Variants in ANO3 observed in about 807,000 individuals in gnomAD.
ANO3 encodes anoctamin-3.
A neutral mutation model predicts 144.8 loss-of-function variants in ANO3; 99 were observed. The ratio of observed to expected loss-of-function variants is 0.68; its 90% confidence interval spans 0.58 to 0.81. The LOEUF is 0.81. ANO3 is among the 30% of genes least tolerant of loss of function. ANO3 has a pLI of 0.00. For synonymous variants in ANO3, 414 were observed against 392.6 expected, an observed-to-expected ratio of 1.05 and a Z score of -0.64; for missense variants, 905 against 1,202.2, an observed-to-expected ratio of 0.75 and a Z score of 3.66.
At chr11:26,368,643 CAAAG>C (rs1564986638) in intron 1 of ANO3, among the ~76,000 whole-genome samples, 1 of 151,184 alleles carries the variant, frequency 6.6e-6, no homozygotes, top group East Asian at 1.9e-4. Context: ...GGAAGAGAGA[CAAAG>C]AGGAGGGAAG....
intron 1 of ANO3, among the ~76,000 whole-genome samples, chr11:26,429,389 G>A (rs1257816876): frequency 6.8e-6 from 1 of 146,812 alleles, no homozygotes; most frequent in African/African-American, 2.5e-5. Flanking sequence ...GGGAGATAAG[G>A]ACATTATAAA....
chr11:26,301,393 A>T (rs1383532959), intron 1 of ANO3, among the ~76,000 whole-genome samples: 1 of 152,242 alleles, frequency 6.6e-6, no homozygotes, highest in Non-Finnish European at 1.5e-5. Context: ...ATATGCAGTT[A>T]AAATAATTTT....
intron 1 of ANO3, among the ~76,000 whole-genome samples, chr11:26,280,208 T>G (rs907387505): frequency 6.6e-6 from 1 of 152,178 alleles, no homozygotes; most frequent in Admixed American, 6.5e-5. Flanking sequence ...AGATAAAGGA[T>G]TATTACATCA....
At chr11:26,243,997 G>T (rs1262355820) in intron 1 of ANO3, among the ~76,000 whole-genome samples, 5 of 151,508 alleles carry the variant, frequency 3.3e-5, no homozygotes, top group Non-Finnish European at 7.4e-5. Flanking sequence ...GGTGTCTGTA[G>T]TCCCAGCTAC....
At chr11:26,541,132 C>T (rs1849632003) in intron 10 of ANO3, among the ~76,000 whole-genome samples, 1 of 152,114 alleles carries the variant, frequency 6.6e-6, no homozygotes, top group African/African-American at 2.4e-5. Context: ...AAGATGAGTT[C>T]GTGTTCTTTG....
chr11:26,475,853 T>C (rs1859947803), intron 4 of ANO3, among the ~76,000 whole-genome samples: 1 of 152,100 alleles, frequency 6.6e-6, no homozygotes, highest in African/African-American at 2.4e-5. Context: ...AAATTCTGGC[T>C]ACATCATCTT....
chr11:26,619,666 C>T (rs1185972774), intron 17 of ANO3, among the ~76,000 whole-genome samples: 2 of 151,996 alleles, frequency 1.3e-5, no homozygotes, highest in East Asian at 1.9e-4. Flanking sequence ...AGGGTTTCAC[C>T]ATGTTGGCCT....
At chr11:26,306,723 G>T (rs76573504), upstream of ANO3, among the ~76,000 whole-genome samples, 1 of 152,236 alleles carries the variant, frequency 6.6e-6, no homozygotes, top group Middle Eastern at 3.4e-3. Flanking sequence ...CAGTAGTCTG[G>T]AATGGGGCTA....
intron 4 of ANO3, among the ~76,000 whole-genome samples, chr11:26,493,997 T>C (rs1216277106): frequency 6.6e-6 from 1 of 152,206 alleles, no homozygotes; most frequent in African/African-American, 2.4e-5. Context: ...AGGATAGTTT[T>C]CAAAATAATT....
At chr11:26,406,932 A>AT (rs1303084129) in intron 1 of ANO3, among the ~76,000 whole-genome samples, 21 of 148,908 alleles carry the variant, frequency 1.4e-4, no homozygotes, top group African/African-American at 5.2e-4. Flanking sequence ...GTATATATAT[A>AT]AATACATCTG....
intron 1 of ANO3, among the ~76,000 whole-genome samples, chr11:26,193,617 A>G (rs1300259793): frequency 6.6e-6 from 1 of 152,242 alleles, no homozygotes; most frequent in African/African-American, 2.4e-5. Context: ...TTCTACCCAG[A>G]AAGTTCTTCC....
At chr11:26,573,499 G>A (rs1850905375) in intron 14 of ANO3, among the ~76,000 whole-genome samples, 1 of 152,126 alleles carries the variant, frequency 6.6e-6, no homozygotes, top group Admixed American at 6.6e-5. Flanking sequence ...TCTGTTTGTA[G>A]TTAGAGAACT....
chr11:26,563,387 T>TTCTCTCTC, intron 14 of ANO3: 1 of 889,822 alleles, frequency 1.1e-6, no homozygotes, highest in African/African-American at 2.3e-5. Context: ...AATGGTGTGT[T>TTCTCTCTC]TCTCTCTCTG....
chr11:26,498,581 T>C (rs1412851098), intron 4 of ANO3, among the ~76,000 whole-genome samples: 3 of 150,476 alleles, frequency 2.0e-5, no homozygotes, highest in Non-Finnish European at 4.4e-5. Flanking sequence ...ATTATGCATA[T>C]CAAAAACCAT....
intron 26 of ANO3, among the ~76,000 whole-genome samples, chr11:26,659,959 A>C (rs1853827671): frequency 6.6e-6 from 1 of 152,144 alleles, no homozygotes; most frequent in African/African-American, 2.4e-5. Flanking sequence ...ATGTCGTAAT[A>C]ATATTTCATA....
At chr11:26,238,760 G>C (rs890514358) in intron 1 of ANO3, among the ~76,000 whole-genome samples, 10 of 151,954 alleles carry the variant, frequency 6.6e-5, no homozygotes, top group African/African-American at 2.4e-4. Context: ...AGAAGAAAGT[G>C]GGTTGGGAGA....
At chr11:26,403,091 A>C (rs1043606827) in intron 1 of ANO3, among the ~76,000 whole-genome samples, 2 of 151,858 alleles carry the variant, frequency 1.3e-5, no homozygotes, top group African/African-American at 4.8e-5. Context: ...CCTACATTCC[A>C]GACTTTGCTG....
At chr11:26,615,376 G>A (rs1164746685) in intron 17 of ANO3, among the ~76,000 whole-genome samples, 3 of 143,966 alleles carry the variant, frequency 2.1e-5, no homozygotes, top group Non-Finnish European at 4.5e-5. Context: ...TCGCAATACT[G>A]TCTAAGCTTC....
chr11:26,449,999 G>A (rs1391679193), intron 3 of ANO3, among the ~76,000 whole-genome samples: 3 of 152,030 alleles, frequency 2.0e-5, no homozygotes, highest in South Asian at 2.1e-4. Context: ...CAGGCAATCC[G>A]CCCAGCTCAG....
Sources: gnomAD v4.1 joint callset for allele counts (sites outside exome capture counted in the v4.1 genomes callset) on GRCh38, gnomAD v4.1.1 for gene constraint, MANE v1.5 for transcripts, NCBI Gene and HGNC (gene_info 2026-07-23, HGNC 2026-07-21) for gene names.